The following TESMIN variants were observed in gnomAD, a reference collection of about 807,000 sequenced individuals.
The protein encoded by TESMIN is CXC domain containing 2.
A neutral mutation model predicts 47.4 loss-of-function variants in TESMIN; 34 were observed. That is an observed-to-expected ratio of 0.72 (90% CI 0.55 to 0.96). TESMIN has a LOEUF of 0.96. Ranked by LOEUF, TESMIN falls within the 40% of genes least tolerant of loss-of-function variation. The probability of loss-of-function intolerance (pLI) is 0.00; values close to 1 mark genes in which losing one functional copy is unlikely to be tolerated. For synonymous variants in TESMIN, 278 were observed against 258.9 expected, an observed-to-expected ratio of 1.07 and a Z score of -0.71; for missense variants, 610 against 637.2, an observed-to-expected ratio of 0.96 and a Z score of 0.46.
At position 68,747,227 on chromosome 11, in the gene TESMIN, T is replaced by C; in HGVS notation, c.611A>G (p.Lys204Arg). 6.2e-7 allele frequency: 1 copy of C among 1,614,140 alleles called. No homozygotes were observed. Among genetic ancestry groups the C allele is most frequent in the Non-Finnish European group, 8.5e-7 (1 of 1,179,992 alleles). ...AATTACCATTGGGTTGGAATCTTTC[T>C]TAAGAGAACAGCAGGAGGCATCCTC... ...ELEDASCCSL[K>R]KDSNPMVICQ... The change falls in exon 3 of 10, where the codon AAG becomes AGG. Residue 204 changes from lysine (K) to arginine (R), a missense_variant. Physicochemically the swap from Lys to Arg is conservative, Grantham distance 26 (BLOSUM62 2). Transcript: ENST00000255087.
intron 3 of TESMIN, among the ~76,000 whole-genome samples, chr11:68,746,929 C>T (rs1009398180): frequency 4.6e-5 from 7 of 152,170 alleles, no homozygotes; most frequent in Non-Finnish European, 1.0e-4. Flanking sequence ...GTCCCTGACC[C>T]CAGCACTGCA....
At chr11:68,711,275 A>G (rs1946065422) in intron 8 of TESMIN, among the ~76,000 whole-genome samples, 1 of 143,060 alleles carries the variant, frequency 7.0e-6, no homozygotes, top group Admixed American at 7.0e-5. Context: ...GTGAATGTGT[A>G]AGAGTGTGTG....
intron 4 of TESMIN, among the ~76,000 whole-genome samples, chr11:68,744,011 T>C (rs1360815497): frequency 1.3e-5 from 2 of 152,220 alleles, no homozygotes; most frequent in African/African-American, 4.8e-5. Context: ...TCCCTGCCTG[T>C]AGAGATCAGA....
intron 6 of TESMIN, 103 bp from the exon 7 acceptor site, chr11:68,716,042 T>TG: frequency 4.1e-6 from 3 of 733,172 alleles, no homozygotes; most frequent in Non-Finnish European, 7.1e-6. Context: ...TGTGCTGCAG[T>TG]CAGAACACTG....
Position 68,713,351 on chromosome 11 carries a change from C to T in TESMIN, c.1077G>A (p.Leu359=), listed in dbSNP as rs1946095634. ...AFQPKIGKGQ[L]GNVKPQHNKG... ...TGTTGTGCTGGGGCTTGACATTGCCCAATTGGCCCTTCCCAATTTTTGGCT... is the reference window on the plus strand; with the variant it reads ...TGTTGTGCTGGGGCTTGACATTGCCTAATTGGCCCTTCCCAATTTTTGGCT... Residue 359 remains leucine (L), a synonymous_variant, in exon 8 of 10, where the codon TTG becomes TTA. Coordinates refer to ENST00000255087, the MANE Select transcript of TESMIN (RefSeq NM_004923.3). 1 of 1,614,174 alleles carries T rather than the reference C, an allele frequency of 6.2e-7. No homozygotes were observed. The highest frequency in any genetic ancestry group is 8.5e-7 in the Non-Finnish European group (1 of 1,180,036).
chr11:68,716,520 T>A (rs192416477), intron 6 of TESMIN, among the ~76,000 whole-genome samples: 17 of 152,156 alleles, frequency 1.1e-4, no homozygotes, highest in Admixed American at 1.1e-3. Context: ...AATGCGAGGG[T>A]TGTTCGAGAA....
chr11:68,713,155 A>G (rs1245927534), intron 8 of TESMIN, 115 bp downstream of exon 8: 1 of 1,110,484 alleles, frequency 9.0e-7, no homozygotes, highest in African/African-American at 1.6e-5. Context: ...ACTCTGGAAG[A>G]AAAAAATAAT....
intron 6 of TESMIN, chr11:68,737,166 A>G: frequency 2.0e-6 from 2 of 985,452 alleles, no homozygotes; most frequent in Non-Finnish European, 2.4e-6. Context: ...TGTTTGGTCC[A>G]GAAATGTTAA....
chr11:68,726,318 T>TA (rs549343255), intron 6 of TESMIN, among the ~76,000 whole-genome samples: 6 of 149,864 alleles, frequency 4.0e-5, no homozygotes, highest in Admixed American at 3.3e-4. Context: ...TGCAGCCTAA[T>TA]AAAAAAAAAA....
In TESMIN at chr11:68,710,767, G is replaced by A. The variant is rs750763848; in HGVS notation, c.1334+107C>T. 12 of 1,114,282 alleles carry A rather than the reference G, an allele frequency of 1.1e-5. No homozygotes were observed. Among genetic ancestry groups the A allele is most frequent in the Admixed American group, 2.9e-5 (1 of 33,952 alleles). 69.0% of individuals were successfully genotyped at this position (1,114,282 alleles called of 1,614,324 possible). On this transcript the variant is annotated intron_variant, in intron 9 of 9. Coordinates refer to ENST00000255087, the MANE Select transcript of TESMIN (RefSeq NM_004923.3). ...TCCCTCTGCCCCCAAACACACGCCC[G>A]CCCCTGCAGGCTCACACATTCTTTC...
At chr11:68,750,763 A>C in intron 1 of TESMIN, 64 bp from the exon 2 acceptor site, 1 of 334,500 alleles carries the variant, frequency 3.0e-6, no homozygotes, top group Non-Finnish European at 3.9e-6. Flanking sequence ...CGGCCAGGAA[A>C]GGGGACAGCC....
chr11:68,730,640 C>CA (rs2153991666), intron 6 of TESMIN, among the ~76,000 whole-genome samples: 1 of 151,888 alleles, frequency 6.6e-6, no homozygotes, highest in African/African-American at 2.4e-5. Flanking sequence ...ATTAAAAATG[C>CA]AAAAATTAGC....
In TESMIN at chr11:68,745,571, C is replaced by A. The variant is rs1175711582; in HGVS notation, c.631-460G>T. 2.0e-5 allele frequency among the ~76,000 whole-genome samples: 3 copies of A among 152,250 alleles called. No individual in the cohort carries two copies. The South Asian group carries it at 6.2e-4, about 31-fold the overall frequency. ...ATGTCCCTGAGTCCCTGGGCACGCA[C>A]TTAAAATCCTCTCTAATTTTACTCC... On this transcript the variant is annotated intron_variant, in intron 3 of 9. Transcript: ENST00000255087.
At chr11:68,713,222 A>G (rs1428324523) in intron 8 of TESMIN, 48 bp downstream of exon 8, 10 of 1,555,468 alleles carry the variant, frequency 6.4e-6, no homozygotes, top group Non-Finnish European at 8.7e-6. Context: ...GTTACTCAAC[A>G]TATTTACCTG....
chr11:68,744,176 T>A (rs1022790187), intron 4 of TESMIN, among the ~76,000 whole-genome samples: 5 of 152,230 alleles, frequency 3.3e-5, no homozygotes, highest in Non-Finnish European at 5.9e-5. Context: ...TTTGTCTTTT[T>A]GCCCTGGACT....
chr11:68,710,297 G>A (rs778396159), intron 9 of TESMIN, among the ~76,000 whole-genome samples: 3 of 152,110 alleles, frequency 2.0e-5, no homozygotes, highest in African/African-American at 4.8e-5. Context: ...CATTGAACTC[G>A]AAGTTTTTTT....
chr11:68,747,223 T>C lies in TESMIN; in HGVS notation c.615A>G (p.Lys205=), dbSNP rs1040160967. 21 of 1,614,058 alleles carry C rather than the reference T, an allele frequency of 1.3e-5. No homozygotes were observed. Among genetic ancestry groups the C allele is most frequent in the Non-Finnish European group, 1.7e-5 (20 of 1,179,998 alleles). ...GCATAATTACCATTGGGTTGGAATC[T>C]TTCTTAAGAGAACAGCAGGAGGCAT... The part of the protein sequence containing the change: ...LEDASCCSLK[K]DSNPMVICQL... Residue 205 remains lysine (K), a synonymous_variant, in exon 3 of 10, where the codon AAA becomes AAG. Transcript: ENST00000255087.
At position 68,715,860 on chromosome 11, in the gene TESMIN, T is replaced by G. The variant is rs201967067; in HGVS notation, c.997A>C (p.Ile333Leu). 1.9e-6 allele frequency: 3 copies of G among 1,610,474 alleles called. No homozygotes were observed. In the African/African-American group the frequency reaches 4.0e-5, roughly 21 times the overall value. The stretch of plus-strand genomic sequence containing the variant: ...ACCTTAATGGCTTTAAACCGTTCAA[T>G]ATCATGATGCAAGTTGTTGCAACAA... ...NNCCNNLHHD[I>L]ERFKAIKACL... The change falls in exon 7 of 10, where the codon ATT becomes CTT. Residue 333 changes from isoleucine to leucine, a missense_variant. By Grantham distance (5) the Ile-to-Leu change is conservative (BLOSUM62 2). Coordinates refer to ENST00000255087, the MANE Select transcript of TESMIN (RefSeq NM_004923.3).
chr11:68,713,209 A>G, intron 8 of TESMIN, 61 bp downstream of exon 8: 2 of 1,501,848 alleles, frequency 1.3e-6, no homozygotes, highest in South Asian at 1.3e-5. Flanking sequence ...TTTAACCACA[A>G]AAGTTACTCA....
Sources: gnomAD v4.1 joint callset for allele counts (sites outside exome capture counted in the v4.1 genomes callset) on GRCh38, gnomAD v4.1.1 for gene constraint, MANE v1.5 for transcripts, NCBI Gene and HGNC (gene_info 2026-07-23, HGNC 2026-07-21) for gene names.